Variants in IPMK observed in about 807,000 individuals in gnomAD.
IPMK encodes inositol polyphosphate multikinase, also known as inositol 1,3,4,6-tetrakisphosphate 5-kinase.
In IPMK, 17 loss-of-function variants were observed where a neutral mutation model predicts 45.8. The observed-to-expected ratio is 0.37, with a 90% CI of 0.25 to 0.56. The LOEUF is 0.56. IPMK is among the 20% of genes least tolerant of loss of function. IPMK has a pLI of 0.79. For synonymous variants in IPMK, 180 were observed against 184.3 expected, an observed-to-expected ratio of 0.98 and a Z score of 0.19; for missense variants, 399 against 498.0, an observed-to-expected ratio of 0.80 and a Z score of 1.89.
At chr10:58,220,778 T>C (rs1044432292) in intron 3 of IPMK, among the ~76,000 whole-genome samples, 3 of 152,128 alleles carry the variant, frequency 2.0e-5, no homozygotes, top group African/African-American at 4.8e-5. Flanking sequence ...TTTTGAAGAG[T>C]TGAAATCGCA....
chr10:58,220,274 T>C (rs77112235), intron 3 of IPMK, among the ~76,000 whole-genome samples: 12,005 of 152,204 alleles, frequency 0.079, 636 homozygotes, highest in African/African-American at 0.15. Context: ...TCCCTGGGCT[T>C]TGATAGGGTT....
chr10:58,245,189 A>C (rs371604568), intron 1 of IPMK, among the ~76,000 whole-genome samples: 1 of 150,554 alleles, frequency 6.6e-6, no homozygotes. Flanking sequence ...AAAAAGATAA[A>C]TACTACATGA....
Position 58,194,777 on chromosome 10 carries a change from T to C in IPMK, c.*1299A>G, listed in dbSNP as rs1837867788. ...TGTTATTAGTGAATGGAAGTGCAAG[T>C]AATGGCAGCATTAACATCAAATGTA... On this transcript the variant is annotated 3_prime_UTR_variant, in exon 6 of 6. Transcript: ENST00000373935. The C allele has an allele frequency of 6.6e-6, 1 of 151,982 alleles. No individual in the cohort carries two copies. Among genetic ancestry groups the C allele is most frequent in the Non-Finnish European group, 1.5e-5 (1 of 67,830 alleles). The allele number at this position is 151,982 out of a possible 1,614,324, so 9.4% of individuals were successfully genotyped here.
intron 2 of IPMK, among the ~76,000 whole-genome samples, chr10:58,228,679 G>A (rs965874955): frequency 2.6e-5 from 4 of 152,228 alleles, no homozygotes; most frequent in Admixed American, 1.3e-4. Flanking sequence ...GACTACAGGC[G>A]TCCGCCACCA....
chr10:58,210,638 T>C (rs1838144235), intron 4 of IPMK, among the ~76,000 whole-genome samples: 1 of 152,180 alleles, frequency 6.6e-6, no homozygotes, highest in Non-Finnish European at 1.5e-5. Flanking sequence ...ACGAGGCTGT[T>C]CCTGCTGTTG....
rs748448778 is a variant in IPMK, at chr10:58,196,046, C to T, written c.*30G>A. On this transcript the variant is annotated 3_prime_UTR_variant, in exon 6 of 6. Coordinates refer to ENST00000373935, the MANE Select transcript of IPMK (RefSeq NM_152230.5). ...ACTGCCCCTCTTCATTATGATTGGCCCACCCCTTAAAAAGACTGCAACAGA... is the reference window on the plus strand; with the variant it reads ...ACTGCCCCTCTTCATTATGATTGGCTCACCCCTTAAAAAGACTGCAACAGA... The T allele has an allele frequency of 3.2e-5, 50 of 1,584,250 alleles. 1 individual carries two copies. In the South Asian group the frequency reaches 5.7e-4, roughly 18 times the overall value.
chr10:58,205,909 G>A (rs1174035874), intron 4 of IPMK, among the ~76,000 whole-genome samples: 2 of 152,144 alleles, frequency 1.3e-5, no homozygotes, highest in African/African-American at 4.8e-5. Context: ...TTCTCAAAAA[G>A]TTAAACATAA....
At chr10:58,229,339 T>TGAGGTCA (rs1434170224) in intron 2 of IPMK, among the ~76,000 whole-genome samples, 2 of 151,978 alleles carry the variant, frequency 1.3e-5, no homozygotes, top group Non-Finnish European at 2.9e-5. Flanking sequence ...GTGGATCACC[T>TGAGGTCA]GAGGTCAGAG....
chr10:58,238,828 A>C (rs1838654381), intron 1 of IPMK, among the ~76,000 whole-genome samples: 1 of 152,020 alleles, frequency 6.6e-6, no homozygotes, highest in Non-Finnish European at 1.5e-5. Flanking sequence ...CAAGAGATAC[A>C]GAAATCAAGT....
chr10:58,266,836 C>G (rs933272047), intron 1 of IPMK, among the ~76,000 whole-genome samples: 13 of 152,142 alleles, frequency 8.5e-5, no homozygotes, highest in African/African-American at 3.1e-4. Context: ...TTCTGCACTA[C>G]TGGAACCACG....
intron 4 of IPMK, among the ~76,000 whole-genome samples, chr10:58,202,069 T>A (rs73291093): frequency 9.6e-4 from 146 of 152,308 alleles, no homozygotes; most frequent in African/African-American, 3.3e-3. Context: ...TGGAAAGACG[T>A]TGTTTTTAAC....
intron 1 of IPMK, among the ~76,000 whole-genome samples, chr10:58,244,133 C>A (rs1838750076): frequency 6.7e-6 from 1 of 149,978 alleles, no homozygotes; most frequent in Non-Finnish European, 1.5e-5. Flanking sequence ...GCCTGGCCAC[C>A]CTGTCTGGGA....
intron 3 of IPMK, among the ~76,000 whole-genome samples, chr10:58,217,426 C>G (rs575217447): frequency 6.6e-6 from 1 of 151,756 alleles, no homozygotes; most frequent in South Asian, 2.1e-4. Flanking sequence ...AGGTACCTCA[C>G]GCCTGTAATC....
chr10:58,262,483 C>T (rs1376889096), intron 1 of IPMK, among the ~76,000 whole-genome samples: 2 of 152,110 alleles, frequency 1.3e-5, no homozygotes, highest in Non-Finnish European at 2.9e-5. Flanking sequence ...AATATTTATA[C>T]ATACTTTAAA....
At position 58,237,802 on chromosome 10, in the gene IPMK, T is replaced by C. The variant is rs1386729609; in HGVS notation, c.203A>G (p.His68Arg). 4 of 1,613,370 alleles carry C rather than the reference T, an allele frequency of 2.5e-6. No homozygotes were observed. The highest frequency in any genetic ancestry group is 2.2e-5 in the East Asian group (1 of 44,860). ...CTGTTTCAAAACTGTGCCATCTGGA[T>C]GTTGCAGTATACCTATGGAACAAAA... is the stretch of plus-strand genomic sequence containing the variant. ...YGKDKVGILQ[H>R]PDGTVLKQLQ... Residue 68 changes from histidine to arginine, a missense_variant, in exon 2 of 6, where the codon CAT (histidine) becomes CGT (arginine). By Grantham distance (29) the His-to-Arg change is conservative (BLOSUM62 0). Transcript: ENST00000373935.
chr10:58,220,393 A>G (rs1420107042), intron 3 of IPMK, among the ~76,000 whole-genome samples: 1 of 152,162 alleles, frequency 6.6e-6, no homozygotes, highest in Non-Finnish European at 1.5e-5. Flanking sequence ...ATCATGTTCA[A>G]GTTCATTTCC....
At chr10:58,229,209 AT>A (rs753093334) in intron 2 of IPMK, among the ~76,000 whole-genome samples, 33 of 151,102 alleles carry the variant, frequency 2.2e-4, no homozygotes, top group African/African-American at 7.1e-4. Flanking sequence ...ATAGAGCAGA[AT>A]TTTTTTTTTA....
At chr10:58,250,821 T>C (rs1004640165) in intron 1 of IPMK, among the ~76,000 whole-genome samples, 2 of 152,190 alleles carry the variant, frequency 1.3e-5, no homozygotes, top group African/African-American at 4.8e-5. Flanking sequence ...TTTTCACAAA[T>C]GGCCTTTATT....
chr10:58,241,103 T>C (rs1374161063), intron 1 of IPMK, among the ~76,000 whole-genome samples: 4 of 152,152 alleles, frequency 2.6e-5, no homozygotes, highest in Non-Finnish European at 4.4e-5. Context: ...GGAAATCATA[T>C]GCAGTCCTAA....
Sources: allele counts gnomAD v4.1 joint callset (sites outside exome capture counted in the v4.1 genomes callset), GRCh38; gene constraint gnomAD v4.1.1; transcripts MANE v1.5; gene names NCBI Gene and HGNC (gene_info 2026-07-23, HGNC 2026-07-21).